The following FXN variants were observed in gnomAD, a reference collection of about 807,000 sequenced individuals.
FXN encodes the protein frataxin, mitochondrial.
FXN carries 14 observed loss-of-function variants against 22.4 expected under a neutral mutation model. That is an observed-to-expected ratio of 0.62 (90% CI 0.41 to 0.98). FXN has a LOEUF of 0.98. Ranked by LOEUF, FXN falls within the 50% of genes least tolerant of loss-of-function variation. FXN has a pLI of 0.00. For synonymous variants in FXN, 120 were observed against 114.1 expected (o/e 1.05, Z -0.33); for missense variants, 267 against 268.4 (o/e 0.99, Z 0.04).
At chr9:69,072,517 C>A (rs1587832203) in intron 4 of FXN, 95 bp from the exon 5 acceptor site, 1 of 1,605,200 alleles carries the variant, frequency 6.2e-7, no homozygotes, top group East Asian at 2.2e-5. Context: ...TAGAGCTTTA[C>A]TCCAGTCAAT....
At chr9:69,049,913 G>A (rs1587819861) in intron 2 of FXN, among the ~76,000 whole-genome samples, 2 of 152,074 alleles carry the variant, frequency 1.3e-5, no homozygotes, top group African/African-American at 4.8e-5. Flanking sequence ...CTAGTCACAA[G>A]CATACAGCTT....
chr9:69,039,463 G>T (rs1831616955), intron 1 of FXN, among the ~76,000 whole-genome samples: 1 of 152,134 alleles, frequency 6.6e-6, no homozygotes, highest in South Asian at 2.1e-4. Context: ...GCAGAACCAA[G>T]AATCCACAGA....
In FXN at chr9:69,035,754, G is replaced by A. The variant is rs996582530; in HGVS notation, c.-29G>A. 2.7e-6 allele frequency: 4 copies of A among 1,491,744 alleles called. No individual in the cohort carries two copies. In the Admixed American group the frequency reaches 6.4e-5, roughly 24 times the overall value. The allele number at this position is 1,491,744 out of a possible 1,614,324, so 92.4% of individuals were successfully genotyped here. ...GTCGCCGCAGCACCCAGCGCTGGAG[G>A]GCGGAGCGGGCGGCAGACCCGGAGC... On this transcript the variant is annotated 5_prime_UTR_variant, in exon 1 of 5. Transcript: ENST00000484259.
At chr9:69,060,232 G>T (rs551390452) in intron 3 of FXN, among the ~76,000 whole-genome samples, 1 of 152,100 alleles carries the variant, frequency 6.6e-6, no homozygotes, top group African/African-American at 2.4e-5. Flanking sequence ...TTAGCTGGGC[G>T]TGGTGGTGGG....
At chr9:69,063,412 C>T (rs73647064) in intron 3 of FXN, among the ~76,000 whole-genome samples, 1,531 of 152,178 alleles carry the variant, frequency 0.01, 26 homozygotes, top group African/African-American at 0.034. Context: ...TGAATCCTAC[C>T]GCCAACAATT....
intron 1 of FXN, among the ~76,000 whole-genome samples, chr9:69,042,589 A>G (rs1831677509): frequency 1.3e-5 from 2 of 152,210 alleles, no homozygotes; most frequent in Admixed American, 6.5e-5. Context: ...GTTCTTTTTT[A>G]TGATTAAAAA....
rs7858249 is a variant in FXN at position 69,076,114 on chromosome 9, G to C, written c.*3352G>C. 463,717 of 982,474 alleles carry C rather than the reference G, an allele frequency of 0.47. 110,831 individuals are homozygous for C. Among genetic ancestry groups the C allele is most frequent in the East Asian group, 0.65 (5,713 of 8,792 alleles). The allele number at this position is 982,474 out of a possible 1,614,324, so 60.9% of individuals were successfully genotyped here. ...TTAGCTCTCTGGAATTACAAAGAAG[G>C]AATGAGGTGTGTAAAAGAGAACCTG... On this transcript the variant is annotated 3_prime_UTR_variant, in exon 5 of 5. Transcript: ENST00000484259.
intron 1 of FXN, among the ~76,000 whole-genome samples, chr9:69,037,310 A>G (rs1831577700): frequency 6.7e-6 from 1 of 150,254 alleles, no homozygotes; most frequent in African/African-American, 2.4e-5. Context: ...AAGAAAATAA[A>G]GAAAAGTTAG....
chr9:69,066,427 G>C (rs575930243), intron 4 of FXN, among the ~76,000 whole-genome samples: 28 of 152,296 alleles, frequency 1.8e-4, no homozygotes, highest in African/African-American at 6.5e-4. Context: ...GTGTGCTAGA[G>C]TTCAACAAAA....
intron 2 of FXN, 43 bp downstream of exon 2, chr9:69,046,525 C>T: frequency 7.4e-7 from 1 of 1,344,816 alleles, no homozygotes; most frequent in Non-Finnish European, 1.1e-6. Context: ...CTTCCTCTCT[C>T]CTTCCCTGCC....
At chr9:69,045,473 A>G (rs535206010) in intron 1 of FXN, among the ~76,000 whole-genome samples, 9 of 152,204 alleles carry the variant, frequency 5.9e-5, no homozygotes, top group Middle Eastern at 3.4e-3. Context: ...GGTGCCTGTA[A>G]TCCCAGCTAC....
chr9:69,068,703 C>G lies in FXN; in HGVS notation c.482+3668C>G, dbSNP rs78719862. Among the ~76,000 whole-genome samples the G allele has an allele frequency of 7.4e-3, 1,124 of 152,330 alleles. 9 individuals are homozygous for G. Among genetic ancestry groups the G allele is most frequent in the Non-Finnish European group, 8.7e-3 (593 of 68,022 alleles). ...GATGACAAGCTGAGAAGGGGAGAAT[C>G]GGCCCAAGGTGAGATCCACAGAAAG... On this transcript the variant is annotated intron_variant, in intron 4 of 4. Transcript: ENST00000484259.
chr9:69,075,533 C>T lies in FXN; in HGVS notation c.*2771C>T. ...CCAGGGGAAGAATCAAAATCATATT[C>T]TGTCAAGCAAACTGGAAAAGTACCA... On this transcript the variant is annotated 3_prime_UTR_variant, in exon 5 of 5. Transcript: ENST00000484259. 1 of 985,080 alleles carries T rather than the reference C, an allele frequency of 1.0e-6. No homozygotes were observed. The highest frequency in any genetic ancestry group is 1.2e-6 in the Non-Finnish European group (1 of 829,738). The allele number at this position is 985,080 out of a possible 1,614,324, so 61.0% of individuals were successfully genotyped here.
chr9:69,036,094 C>A (rs1228975288), intron 1 of FXN, 147 bp downstream of exon 1: 1 of 625,190 alleles, frequency 1.6e-6, no homozygotes, highest in Non-Finnish European at 2.2e-6. Flanking sequence ...GGCGGCCCGG[C>A]GGAAGCGGCC....
rs532658302 is a variant in FXN at position 69,070,242 on chromosome 9, A to G, written c.483-2370A>G. On this transcript the variant is annotated intron_variant, in intron 4 of 4. Transcript: ENST00000484259. ...AGACCCCATCTCAAAAAAAAAAAAA[A>G]GAAAGAAAACGGCCCAGGAAGGCTG... is the stretch of plus-strand genomic sequence containing the variant. Among the ~76,000 whole-genome samples the G allele has an allele frequency of 2.2e-3, 334 of 151,900 alleles. 1 individual carries two copies. The highest frequency in any genetic ancestry group is 6.9e-3 in the African/African-American group (286 of 41,476).
chr9:69,039,088 A>G (rs897557350), intron 1 of FXN, among the ~76,000 whole-genome samples: 9 of 152,036 alleles, frequency 5.9e-5, no homozygotes, highest in African/African-American at 7.2e-5. Context: ...CCCCGTCTCT[A>G]CTAAAAATAC....
At chr9:69,046,087 G>A (rs1179683718) in intron 1 of FXN, among the ~76,000 whole-genome samples, 2 of 152,190 alleles carry the variant, frequency 1.3e-5, no homozygotes, top group African/African-American at 4.8e-5. Flanking sequence ...AGAGATCTGT[G>A]CTCTGGAAGA....
chr9:69,059,256 A>G (rs1026721803), intron 3 of FXN, among the ~76,000 whole-genome samples: 1 of 152,024 alleles, frequency 6.6e-6, no homozygotes, highest in Non-Finnish European at 1.5e-5. Flanking sequence ...CGAACTCAAA[A>G]TAGGTAAGGA....
chr9:69,044,986 G>A (rs564195355), intron 1 of FXN, among the ~76,000 whole-genome samples: 2 of 152,262 alleles, frequency 1.3e-5, no homozygotes, highest in South Asian at 4.1e-4. Context: ...CCTTTTAAGA[G>A]CATTGTGGAT....
Sources: allele counts gnomAD v4.1 joint callset (sites outside exome capture counted in the v4.1 genomes callset), GRCh38; gene constraint gnomAD v4.1.1; transcripts MANE v1.5; gene names NCBI Gene and HGNC (gene_info 2026-07-23, HGNC 2026-07-21).